The following PGS1 variants were observed in gnomAD, a reference collection of about 807,000 sequenced individuals.
PGS1 encodes the protein CDP-diacylglycerol--glycerol-3-phosphate 3-phosphatidyltransferase, mitochondrial.
In PGS1, 44 loss-of-function variants were observed where a neutral mutation model predicts 58.3. That is an observed-to-expected ratio of 0.75 (90% CI 0.59 to 0.97). The LOEUF (loss-of-function observed/expected upper bound fraction) is 0.97, where lower values mean the gene tolerates loss of function less well. Among genes scored for constraint, PGS1 ranks in the 50% least tolerant of loss-of-function variants. The probability of loss-of-function intolerance (pLI) is 0.00; values close to 1 mark genes in which losing one functional copy is unlikely to be tolerated. For synonymous variants in PGS1, 330 were observed against 311.0 expected (o/e 1.06, Z -0.64); for missense variants, 684 against 731.1 (o/e 0.94, Z 0.74).
At position 78,419,627 on chromosome 17, in the gene PGS1, G is replaced by T; in HGVS notation, c.1633G>T (p.Val545Leu). Residue 545 changes from valine (V) to leucine (L), a missense_variant, in exon 9 of 10, where the codon GTG becomes TTG. Coordinates refer to ENST00000262764, the MANE Select transcript of PGS1 (RefSeq NM_024419.5). ...GCCGAGTCGCCAGGTGAAGCTGTGG[G>T]TGAAGATGGTGACTCCACTGATCAA... is the stretch of plus-strand genomic sequence containing the variant. ...EQPSRQVKLW[V>L]KMVTPLIKNF... 6.2e-7 allele frequency: 1 copy of T among 1,614,102 alleles called. No homozygotes were observed. The highest frequency in any genetic ancestry group is 8.5e-7 in the Non-Finnish European group (1 of 1,179,986).
intron 8 of PGS1, among the ~76,000 whole-genome samples, chr17:78,416,522 C>T (rs1167211403): frequency 6.6e-6 from 1 of 152,252 alleles, no homozygotes; most frequent in African/African-American, 2.4e-5. Flanking sequence ...GGTCCTGGTA[C>T]TGACCGTCCT....
At chr17:78,419,463 A>C (rs921484879) in intron 8 of PGS1, 83 bp from the exon 9 acceptor site, 1 of 1,238,786 alleles carries the variant, frequency 8.1e-7, no homozygotes, top group Non-Finnish European at 1.2e-6. Context: ...GGCTGGCCTG[A>C]GGGGCTGGGC....
chr17:78,423,903 G>T (rs72914863), intron 9 of PGS1, 158 bp from the exon 10 acceptor site: 1 of 1,613,820 alleles, frequency 6.2e-7, no homozygotes, highest in South Asian at 1.1e-5. Flanking sequence ...AGGCAGGAGC[G>T]AGCTAAACCT....
chr17:78,411,221 C>T (rs925319358), intron 7 of PGS1, among the ~76,000 whole-genome samples: 1 of 152,016 alleles, frequency 6.6e-6, no homozygotes, highest in Non-Finnish European at 1.5e-5. Context: ...ACAGCAGGGG[C>T]ACTGGGAGTG....
rs933433005 is a variant in PGS1 at position 78,424,239 on chromosome 17, C to T, written c.*189C>T. On this transcript the variant is annotated 3_prime_UTR_variant, in exon 10 of 10. Coordinates refer to ENST00000262764, the MANE Select transcript of PGS1 (RefSeq NM_024419.5). ...AGGAAGGGTGGGGTCCTCACACTCC[C>T]CGCCCTCTGCAGAGCTGGGCTCTAC... The T allele has an allele frequency of 6.7e-7, 1 of 1,487,602 alleles. No homozygotes were observed. The highest frequency in any genetic ancestry group is 9.0e-7 in the Non-Finnish European group (1 of 1,115,804). 92.2% of individuals were successfully genotyped at this position (1,487,602 alleles called of 1,614,324 possible). A position where few individuals can be genotyped will look rare whatever the true frequency, so the allele number is the denominator to read the frequency against.
At position 78,403,978 on chromosome 17, in the gene PGS1, G is replaced by A. The variant is rs2083901832; in HGVS notation, c.1291G>A (p.Ala431Thr). Residue 431 changes from alanine (A) to threonine (T), a missense_variant, in exon 7 of 10, where the codon GCC becomes ACC. Coordinates refer to ENST00000262764, the MANE Select transcript of PGS1 (RefSeq NM_024419.5). ...AKGVAGAIPA[A>T]YVHIERQFFS... Reference sequence around the variant, plus strand: ...GGGGGTGGCCGGCGCCATCCCAGCGGCCTATGTGCACATCGAGCGACAGTT... The same window carrying A: ...GGGGGTGGCCGGCGCCATCCCAGCGACCTATGTGCACATCGAGCGACAGTT... 1 of 1,613,950 alleles carries A rather than the reference G, an allele frequency of 6.2e-7. No individual in the cohort carries two copies. Among genetic ancestry groups the A allele is most frequent in the African/African-American group, 1.3e-5 (1 of 74,948 alleles).
chr17:78,405,004 T>G (rs1162034423), intron 7 of PGS1, among the ~76,000 whole-genome samples: 1 of 147,420 alleles, frequency 6.8e-6, no homozygotes, highest in African/African-American at 2.5e-5. Flanking sequence ...GTTGGCAACT[T>G]TTTTTTTTTT....
Position 78,403,965 on chromosome 17 carries a change from C to G in PGS1, c.1278C>G (p.Gly426=), listed in dbSNP as rs200194029. 1.2e-6 allele frequency: 2 copies of G among 1,614,102 alleles called. No homozygotes were observed. Among genetic ancestry groups the G allele is most frequent in the Admixed American group, 3.3e-5 (2 of 60,030 alleles). The part of the protein sequence containing the change: ...NGFFGAKGVA[G]AIPAAYVHIE... ...TCTTTGGGGCCAAGGGGGTGGCCGGCGCCATCCCAGCGGCCTATGTGCACA... is the reference window on the plus strand; with the variant it reads ...TCTTTGGGGCCAAGGGGGTGGCCGGGGCCATCCCAGCGGCCTATGTGCACA... The change falls in exon 7 of 10, where the codon GGC becomes GGG. Residue 426 remains glycine (G), a synonymous_variant. Transcript: ENST00000262764.
At chr17:78,418,489 G>A (rs1351542451) in intron 8 of PGS1, among the ~76,000 whole-genome samples, 1 of 152,046 alleles carries the variant, frequency 6.6e-6, no homozygotes, top group African/African-American at 2.4e-5. Context: ...CATATGATTA[G>A]GTCAACACTC....
Position 78,424,231 on chromosome 17 carries a change from C to A in PGS1, c.*181C>A. On this transcript the variant is annotated 3_prime_UTR_variant, in exon 10 of 10. Transcript: ENST00000262764. Reference sequence around the variant, plus strand: ...GGGCTGGCAGGAAGGGTGGGGTCCTCACACTCCCCGCCCTCTGCAGAGCTG... The same window carrying A: ...GGGCTGGCAGGAAGGGTGGGGTCCTAACACTCCCCGCCCTCTGCAGAGCTG... The A allele has an allele frequency of 6.6e-7, 1 of 1,514,678 alleles. No individual in the cohort carries two copies. Among genetic ancestry groups the A allele is most frequent in the East Asian group, 2.3e-5 (1 of 43,458 alleles). The allele number at this position is 1,514,678 out of a possible 1,614,324, so 93.8% of individuals were successfully genotyped here.
At chr17:78,388,336 A>C (rs78699298) in intron 1 of PGS1, among the ~76,000 whole-genome samples, 1 of 151,482 alleles carries the variant, frequency 6.6e-6, no homozygotes, top group Non-Finnish European at 1.5e-5. Context: ...GGCTCTGTGT[A>C]TGTGTGTTTT....
At chr17:78,419,070 C>T (rs749670336) in intron 8 of PGS1, among the ~76,000 whole-genome samples, 105 of 152,092 alleles carry the variant, frequency 6.9e-4, no homozygotes, top group South Asian at 4.4e-3. Context: ...ATTGCAGTGG[C>T]AGCATCACAG....
At chr17:78,417,630 G>T (rs907052133) in intron 8 of PGS1, among the ~76,000 whole-genome samples, 2 of 151,992 alleles carry the variant, frequency 1.3e-5, no homozygotes, top group Non-Finnish European at 2.9e-5. Context: ...CCTGAGCAGG[G>T]AGTGTGCCAC....
At chr17:78,394,577 C>A (rs969726624) in intron 2 of PGS1, among the ~76,000 whole-genome samples, 1 of 151,270 alleles carries the variant, frequency 6.6e-6, no homozygotes, top group Admixed American at 6.6e-5. Flanking sequence ...TTTTTTAAGA[C>A]GGAGTTTCGC....
At chr17:78,423,962 T>C in intron 9 of PGS1, 99 bp from the exon 10 acceptor site, 1 of 1,614,038 alleles carries the variant, frequency 6.2e-7, no homozygotes, top group Non-Finnish European at 8.5e-7. Flanking sequence ...GCCTTCTCTT[T>C]GGTCTTCAAG....
chr17:78,424,130 C>T lies in PGS1; in HGVS notation c.*80C>T, dbSNP rs777069876. On this transcript the variant is annotated 3_prime_UTR_variant, in exon 10 of 10. Transcript: ENST00000262764. ...TTCAGCCGCGCTTCAGCGATGACTC[C>T]AGTCTGGGTGTCCCAGCGAGCCCCT... 1.2e-4 allele frequency: 194 copies of T among 1,612,632 alleles called. 1 individual carries two copies. The highest frequency in any genetic ancestry group is 1.5e-4 in the Non-Finnish European group (180 of 1,179,524).
At chr17:78,390,062 T>TCCCCCCCCCCCCCCCCCCGCC (rs1555628316) in intron 1 of PGS1, among the ~76,000 whole-genome samples, 3 of 128,590 alleles carry the variant, frequency 2.3e-5, no homozygotes, top group African/African-American at 3.0e-5. Context: ...TGTTGCCTGT[T>TCCCCCCCCCCCCCCCCCCGCC]CCCCCGCCCC....
In PGS1 at chr17:78,404,085, C is replaced by A. The variant is rs906458969; in HGVS notation, c.1398C>A (p.Ala466=). 2 of 1,549,900 alleles carry A rather than the reference C, an allele frequency of 1.3e-6. No homozygotes were observed. The highest frequency in any genetic ancestry group is 2.3e-5 in the East Asian group (1 of 42,744). ...EYWRRGWTFH[A]KGLWLYLAGS... is the part of the protein sequence containing the mutation. ...GGCGGAGGGGCTGGACGTTCCACGC[C>A]AAAGGTGCGCAGCGGCTGGCTGGAG... is the stretch of plus-strand genomic sequence containing the variant. The change falls in exon 7 of 10, where the codon GCC becomes GCA. Residue 466 remains alanine, a synonymous_variant. Coordinates refer to ENST00000262764, the MANE Select transcript of PGS1 (RefSeq NM_024419.5).
At chr17:78,408,890 C>T (rs576945436) in intron 7 of PGS1, among the ~76,000 whole-genome samples, 38 of 152,132 alleles carry the variant, frequency 2.5e-4, no homozygotes, top group Non-Finnish European at 3.8e-4. Context: ...GGAAGTGCCT[C>T]GTGCTGCCGC....
Sources: gnomAD v4.1 joint callset for allele counts (sites outside exome capture counted in the v4.1 genomes callset) on GRCh38, gnomAD v4.1.1 for gene constraint, MANE v1.5 for transcripts, NCBI Gene and HGNC (gene_info 2026-07-23, HGNC 2026-07-21) for gene names.